Variants in HIVEP1 observed in about 807,000 individuals in gnomAD.
HIVEP1 encodes HIVEP zinc finger 1.
In HIVEP1, 36 loss-of-function variants were observed where a neutral mutation model predicts 180.0. That is an observed-to-expected ratio of 0.20 (90% CI 0.15 to 0.26). The LOEUF is 0.26. Ranked by LOEUF, HIVEP1 falls within the 10% of genes least tolerant of loss-of-function variation. HIVEP1 has a pLI of 1.00. For synonymous variants in HIVEP1, 1,239 were observed against 1,239.0 expected (o/e 1.00, Z 0.00); for missense variants, 3,143 against 3,268.7 (o/e 0.96, Z 0.94).
At chr6:12,075,679 G>C (rs1474303894) in intron 2 of HIVEP1, among the ~76,000 whole-genome samples, 2 of 151,194 alleles carry the variant, frequency 1.3e-5, no homozygotes, top group Admixed American at 6.6e-5. Context: ...CTATCGTTCA[G>C]CTTCAGTAAC....
chr6:12,074,619 A>ATGT (rs1554139006), intron 2 of HIVEP1, among the ~76,000 whole-genome samples: 1 of 138,768 alleles, frequency 7.2e-6, no homozygotes, highest in African/African-American at 2.6e-5. Context: ...TGTATGAAAA[A>ATGT]GTGTGTGTGT....
At chr6:12,155,461 C>A (rs1759977530) in intron 7 of HIVEP1, among the ~76,000 whole-genome samples, 1 of 151,278 alleles carries the variant, frequency 6.6e-6, no homozygotes, top group Non-Finnish European at 1.5e-5. Flanking sequence ...CCAATGTGTC[C>A]TCGTGTTTTC....
At chr6:12,208,855 G>A in the HIVEP1 span, among the ~76,000 whole-genome samples, 4 of 151,624 alleles carry the variant, frequency 2.6e-5, no homozygotes, top group Non-Finnish European at 4.4e-5. Flanking sequence ...GGCCTAAGGT[G>A]CACCATCTGT....
At chr6:12,131,078 G>A (rs1581750934) in intron 6 of HIVEP1, 136 bp downstream of exon 6, 2 of 512,768 alleles carry the variant, frequency 3.9e-6, no homozygotes, top group East Asian at 3.0e-5. Context: ...TGTCAATGTT[G>A]TAGTCTTATT....
intron 2 of HIVEP1, among the ~76,000 whole-genome samples, chr6:12,041,526 C>A (rs564260420): frequency 1.6e-4 from 24 of 151,040 alleles, no homozygotes; most frequent in African/African-American, 5.1e-4. Context: ...TCCTTCCCCC[C>A]AACTTAAGAA....
the HIVEP1 span, among the ~76,000 whole-genome samples, chr6:12,181,094 C>G: frequency 6.6e-6 from 1 of 152,152 alleles, no homozygotes; most frequent in African/African-American, 2.4e-5. Flanking sequence ...GGCACTGTGG[C>G]TCACGCCTGT....
intron 3 of HIVEP1, among the ~76,000 whole-genome samples, chr6:12,112,445 C>T (rs1774957285): frequency 6.6e-6 from 1 of 151,580 alleles, no homozygotes; most frequent in African/African-American, 2.4e-5. Flanking sequence ...CTTAATCATC[C>T]TAGTTATGGG....
At position 12,121,902 on chromosome 6, in the gene HIVEP1, T is replaced by C. The variant is rs1347759513; in HGVS notation, c.2107T>C (p.Ser703Pro). ...ARRLPSTEQDSGRSNGPSAAL... is the reference protein window; with the variant it reads ...ARRLPSTEQDPGRSNGPSAAL... ...AAGGTTACCCAGCACAGAACAAGAC[T>C]CTGGAAGGAGTAACGGACCCTCTGC... Residue 703 changes from serine (S) to proline (P), a missense_variant, in exon 4 of 9, where the codon TCT becomes CCT. Physicochemically the swap from Ser to Pro is moderately conservative, Grantham distance 74. This residue lies in a region of HIVEP1 where 365 missense variants were observed against 344.4 expected (regional missense o/e 1.06). Transcript: ENST00000379388. The surrounding 1 kb of genome is among the most constrained non-coding windows in gnomAD (Gnocchi z 5.3). 3.7e-6 allele frequency: 6 copies of C among 1,614,006 alleles called. No homozygotes were observed. The African/African-American group carries it at 5.3e-5, about 14-fold the overall frequency.
chr6:12,108,801 C>A (rs560384607), intron 3 of HIVEP1, among the ~76,000 whole-genome samples: 130 of 152,232 alleles, frequency 8.5e-4, no homozygotes, highest in African/African-American at 2.8e-3. Context: ...CTGAGGGAGC[C>A]GGCTCTGGCC....
rs1032703710 is a variant in HIVEP1 at position 12,123,081 on chromosome 6, G to C, written c.3286G>C (p.Val1096Leu). 7 of 1,614,052 alleles carry C rather than the reference G, an allele frequency of 4.3e-6. No homozygotes were observed. The highest frequency in any genetic ancestry group is 5.9e-6 in the Non-Finnish European group (7 of 1,180,034). The stretch of plus-strand genomic sequence containing the variant: ...GTTGCAAAACTCCCATATTCACCTT[G>C]TTGCCAGGGGCCCTGAGCAGACCAT... ...IQLQNSHIHL[V>L]ARGPEQTMDP... is the part of the protein sequence containing the mutation. The change falls in exon 4 of 9, where the codon GTT becomes CTT. Residue 1096 changes from valine to leucine, a missense_variant. Coordinates refer to ENST00000379388, the MANE Select transcript of HIVEP1 (RefSeq NM_002114.4).
the HIVEP1 span, among the ~76,000 whole-genome samples, chr6:12,200,583 G>A: frequency 6.6e-6 from 1 of 152,144 alleles, no homozygotes; most frequent in South Asian, 2.1e-4. Context: ...CCTAGAGCCT[G>A]GAGTCTAGAA....
intron 2 of HIVEP1, among the ~76,000 whole-genome samples, chr6:12,050,144 C>A (rs181727891): frequency 6.6e-6 from 1 of 152,138 alleles, no homozygotes; most frequent in Non-Finnish European, 1.5e-5. Context: ...ACTCCGCCAG[C>A]CCAGTGGAAA....
At chr6:12,184,426 T>C in the HIVEP1 span, among the ~76,000 whole-genome samples, 1 of 152,216 alleles carries the variant, frequency 6.6e-6, no homozygotes, top group African/African-American at 2.4e-5. Context: ...AGACTCAAAC[T>C]TCTCTTCATT....
At chr6:12,204,579 CCA>C in the HIVEP1 span, among the ~76,000 whole-genome samples, 1 of 152,150 alleles carries the variant, frequency 6.6e-6, no homozygotes, top group East Asian at 1.9e-4. Context: ...CTTCTGGTTT[CCA>C]CACTAAAAAA....
intron 3 of HIVEP1, among the ~76,000 whole-genome samples, chr6:12,119,521 A>T (rs758849188): frequency 1.3e-5 from 2 of 152,250 alleles, no homozygotes; most frequent in Non-Finnish European, 2.9e-5. Flanking sequence ...AGACAAGCTC[A>T]AAACTTCTTG....
intron 3 of HIVEP1, among the ~76,000 whole-genome samples, chr6:12,114,251 A>G (rs984538521): frequency 6.6e-6 from 1 of 152,194 alleles, no homozygotes; most frequent in Admixed American, 6.5e-5. Flanking sequence ...CTGCTTTCAG[A>G]GATAATGATG....
chr6:12,163,731 G>A lies in HIVEP1; in HGVS notation c.7427G>A (p.Gly2476Asp). Residue 2476 changes from glycine (G) to aspartate (D), a missense_variant, in exon 9 of 9, where the codon GGC (glycine) becomes GAC (aspartate). Physicochemically the swap from Gly to Asp is moderately conservative, Grantham distance 94 (BLOSUM62 -1). Transcript: ENST00000379388. ...CIPIGQIRVP[G>D]LQNLSTPGLQ... is the part of the protein sequence containing the mutation. ...CCTATCGGCCAAATCCGCGTGCCAG[G>A]CCTTCAGAACCTAAGTACCCCAGGC... 1 of 1,614,054 alleles carries A rather than the reference G, an allele frequency of 6.2e-7. No homozygotes were observed. Among genetic ancestry groups the A allele is most frequent in the Non-Finnish European group, 8.5e-7 (1 of 1,180,016 alleles).
Position 12,123,397 on chromosome 6 carries a change from C to T in HIVEP1, c.3602C>T (p.Ala1201Val), listed in dbSNP as rs746753016. The part of the protein sequence containing the change: ...SHPHQLALSD[A>V]LRGELQESSR... ...CCTCACCAGCTTGCACTATCAGACGCTCTCAGAGGAGAACTTCAGGAAAGC... is the reference window on the plus strand; with the variant it reads ...CCTCACCAGCTTGCACTATCAGACGTTCTCAGAGGAGAACTTCAGGAAAGC... Residue 1201 changes from alanine to valine, a missense_variant, in exon 4 of 9, where the codon GCT becomes GTT. Physicochemically the swap from Ala to Val is moderately conservative, Grantham distance 64. This residue lies in a region of HIVEP1 where 1,357 missense variants were observed against 1,260.5 expected (regional missense o/e 1.08). Transcript: ENST00000379388. The T allele has an allele frequency of 3.8e-5, 62 of 1,614,096 alleles. 1 individual carries two copies. The highest frequency in any genetic ancestry group is 6.7e-5 in the African/African-American group (5 of 74,924).
intron 3 of HIVEP1, among the ~76,000 whole-genome samples, chr6:12,112,086 C>A (rs1227501834): frequency 3.3e-5 from 5 of 152,034 alleles, no homozygotes; most frequent in African/African-American, 1.2e-4. Context: ...CAGTATAGGC[C>A]TGAAGACAAC....
Sources: allele counts gnomAD v4.1 joint callset (sites outside exome capture counted in the v4.1 genomes callset), GRCh38; gene constraint gnomAD v4.1.1; regional missense constraint gnomAD v4.1.1; non-coding constraint Gnocchi (gnomAD v3.1); transcripts MANE v1.5; gene names NCBI Gene and HGNC (gene_info 2026-07-23, HGNC 2026-07-21).